The following ATP10D variants were observed in gnomAD, a reference collection of about 807,000 sequenced individuals.
ATP10D encodes phospholipid-transporting ATPase VD.
In ATP10D, 89 loss-of-function variants were observed where a neutral mutation model predicts 144.8. The observed-to-expected ratio is 0.61, with a 90% CI of 0.52 to 0.73. ATP10D has a LOEUF of 0.73. Among genes scored for constraint, ATP10D ranks in the 30% least tolerant of loss-of-function variants. ATP10D has a pLI of 0.00. For missense variants in ATP10D, 1,603 were observed against 1,714.8 expected (o/e 0.93, Z 1.15); for synonymous variants, 571 against 615.1 (o/e 0.93, Z 1.06).
intron 5 of ATP10D, 99 bp downstream of exon 5, chr4:47,525,741 A>C: frequency 9.7e-7 from 1 of 1,028,566 alleles, no homozygotes; most frequent in Non-Finnish European, 1.5e-6. Context: ...ACCCTTGTTA[A>C]ATCACTAAAG....
intron 1 of ATP10D, among the ~76,000 whole-genome samples, chr4:47,511,998 G>A (rs77553431): frequency 0.012 from 1,812 of 152,352 alleles, 30 homozygotes; most frequent in Middle Eastern, 0.024. Context: ...GGTAGAGAAA[G>A]ACTCTACCTC....
chr4:47,543,159 GTTA>G (rs764959034), intron 9 of ATP10D, among the ~76,000 whole-genome samples: 21 of 152,094 alleles, frequency 1.4e-4, no homozygotes, highest in Admixed American at 3.9e-4. Flanking sequence ...TTTATTATTA[GTTA>G]TTGTTGTTAA....
At chr4:47,522,157 A>G (rs1323439373) in intron 3 of ATP10D, among the ~76,000 whole-genome samples, 1 of 152,248 alleles carries the variant, frequency 6.6e-6, no homozygotes, top group Non-Finnish European at 1.5e-5. Flanking sequence ...ACTAGCTAAC[A>G]TGACACATGA....
intron 18 of ATP10D, 107 bp from the exon 19 acceptor site, chr4:47,576,666 T>C: frequency 1.0e-6 from 1 of 999,546 alleles, no homozygotes; most frequent in Non-Finnish European, 1.5e-6. Flanking sequence ...ATAAGAAAAC[T>C]ACAGAGAGGC....
chr4:47,528,458 GGT>G (rs372960268), intron 5 of ATP10D, among the ~76,000 whole-genome samples: 1,551 of 115,952 alleles, frequency 0.013, 13 homozygotes, highest in East Asian at 0.038. Context: ...AGTAGTCCAT[GGT>G]GTGTGTGTGT....
chr4:47,486,385 G>C (rs1017869847), intron 1 of ATP10D, among the ~76,000 whole-genome samples: 1 of 152,200 alleles, frequency 6.6e-6, no homozygotes, highest in African/African-American at 2.4e-5. Flanking sequence ...TTCTAAGCAG[G>C]GAGAAAAACA....
intron 22 of ATP10D, among the ~76,000 whole-genome samples, chr4:47,590,059 A>C (rs1040396222): frequency 1.3e-5 from 2 of 152,134 alleles, no homozygotes; most frequent in African/African-American, 4.8e-5. Context: ...TACACTGATG[A>C]GGACTCGGAA....
At chr4:47,522,607 T>C (rs1396742575) in intron 3 of ATP10D, among the ~76,000 whole-genome samples, 1 of 152,206 alleles carries the variant, frequency 6.6e-6, no homozygotes, top group African/African-American at 2.4e-5. Flanking sequence ...GACAGCTCTG[T>C]CGCCCAAGCT....
chr4:47,543,723 T>C (rs991342774), intron 9 of ATP10D, among the ~76,000 whole-genome samples: 1 of 152,200 alleles, frequency 6.6e-6, no homozygotes, highest in Admixed American at 6.5e-5. Flanking sequence ...ATGGTTGAAC[T>C]GCTTAATCTC....
chr4:47,518,109 T>C (rs1454792018), intron 3 of ATP10D, among the ~76,000 whole-genome samples: 2 of 152,146 alleles, frequency 1.3e-5, no homozygotes, highest in Non-Finnish European at 2.9e-5. Context: ...TGTAAATGTA[T>C]ATGAAATACA....
At chr4:47,502,992 A>G (rs762994362) in intron 1 of ATP10D, among the ~76,000 whole-genome samples, 1 of 152,100 alleles carries the variant, frequency 6.6e-6, no homozygotes, top group Non-Finnish European at 1.5e-5. Context: ...ACTTGAGGTC[A>G]GGAGTTTGAG....
intron 5 of ATP10D, among the ~76,000 whole-genome samples, chr4:47,528,369 A>G (rs1283984202): frequency 6.6e-6 from 1 of 151,670 alleles, no homozygotes; most frequent in Non-Finnish European, 1.5e-5. Flanking sequence ...GTTTTGAGTT[A>G]GTTCACTTAG....
intron 3 of ATP10D, among the ~76,000 whole-genome samples, chr4:47,518,998 T>C (rs1407066747): frequency 2.0e-5 from 3 of 152,194 alleles, no homozygotes; most frequent in Non-Finnish European, 2.9e-5. Flanking sequence ...ACCACAACAT[T>C]GATTCAAAAA....
rs759814894 is a variant in ATP10D, at chr4:47,557,899, G to A, written c.2060G>A (p.Ser687Asn). The A allele has an allele frequency of 9.9e-6, 16 of 1,614,212 alleles. No homozygotes were observed. Among genetic ancestry groups the A allele is most frequent in the Admixed American group, 1.7e-5 (1 of 60,030 alleles). ...GTGTGTGAGAGCCCCCAGTGCTCCAGTAGCTCAGCTTGCTGCACAGAAACA... is the reference window on the plus strand; with the variant it reads ...GTGTGTGAGAGCCCCCAGTGCTCCAATAGCTCAGCTTGCTGCACAGAAACA... ...SQVCESPQCSSSSACCTETEK... is the reference protein window; with the variant it reads ...SQVCESPQCSNSSACCTETEK... The change falls in exon 12 of 23, where the codon AGT becomes AAT. Residue 687 changes from serine (S) to asparagine (N), a missense_variant. Ser to Asn is a conservative substitution (Grantham distance 46). Coordinates refer to ENST00000273859, the MANE Select transcript of ATP10D (RefSeq NM_020453.4).
At chr4:47,497,045 T>C (rs1194739542) in intron 1 of ATP10D, among the ~76,000 whole-genome samples, 1 of 152,132 alleles carries the variant, frequency 6.6e-6, no homozygotes, top group African/African-American at 2.4e-5. Flanking sequence ...TTCACCACAT[T>C]GGCCAGGCTT....
intron 19 of ATP10D, among the ~76,000 whole-genome samples, chr4:47,579,632 GCA>G (rs1720411432): frequency 6.6e-6 from 1 of 152,176 alleles, no homozygotes; most frequent in Non-Finnish European, 1.5e-5. Flanking sequence ...AATGGATTTG[GCA>G]CATTTGAGGA....
chr4:47,517,903 T>C (rs115397405), intron 3 of ATP10D, among the ~76,000 whole-genome samples: 56 of 152,304 alleles, frequency 3.7e-4, no homozygotes, highest in African/African-American at 1.3e-3. Context: ...TGTTCCTTTA[T>C]GTTTGTGTTT....
chr4:47,572,612 G>C (rs1252897985), intron 17 of ATP10D, among the ~76,000 whole-genome samples: 4 of 150,452 alleles, frequency 2.7e-5, no homozygotes, highest in African/African-American at 4.9e-5. Context: ...GAGAGGAGAA[G>C]GAAGGAAGTG....
intron 1 of ATP10D, among the ~76,000 whole-genome samples, chr4:47,504,691 T>C (rs1715921778): frequency 6.6e-6 from 1 of 152,152 alleles, no homozygotes; most frequent in African/African-American, 2.4e-5. Flanking sequence ...GCCTCCCAAG[T>C]AGCTGGGACT....
Sources: gnomAD v4.1 joint callset for allele counts (sites outside exome capture counted in the v4.1 genomes callset) on GRCh38, gnomAD v4.1.1 for gene constraint, MANE v1.5 for transcripts, NCBI Gene and HGNC (gene_info 2026-07-23, HGNC 2026-07-21) for gene names.